The following NPEPPS variants were observed in gnomAD, a reference collection of about 807,000 sequenced individuals.
NPEPPS encodes puromycin-sensitive aminopeptidase.
A neutral mutation model predicts 115.5 loss-of-function variants in NPEPPS; 14 were observed. That is an observed-to-expected ratio of 0.12 (90% CI 0.08 to 0.19). The LOEUF is 0.19. Ranked by LOEUF, NPEPPS falls within the 10% of genes least tolerant of loss-of-function variation. NPEPPS has a pLI of 1.00. For missense variants in NPEPPS, 523 were observed against 1,110.8 expected (o/e 0.47, Z 7.52); for synonymous variants, 285 against 390.6 (o/e 0.73, Z 3.19).
intron 14 of NPEPPS, among the ~76,000 whole-genome samples, chr17:47,600,445 A>G (rs887072742): frequency 6.6e-6 from 1 of 152,102 alleles, no homozygotes; most frequent in Non-Finnish European, 1.5e-5. Flanking sequence ...GGGGGGAGAA[A>G]AAATATCTAA....
At chr17:47,542,546 C>CA (rs397857323) in intron 1 of NPEPPS, among the ~76,000 whole-genome samples, 687 of 81,976 alleles carry the variant, frequency 8.4e-3, no homozygotes, top group Non-Finnish European at 9.8e-3. Flanking sequence ...AGCTCCGTCT[C>CA]AAAAAAAAAA....
intron 2 of NPEPPS, among the ~76,000 whole-genome samples, chr17:47,560,032 T>A (rs1446753795): frequency 6.6e-6 from 1 of 152,220 alleles, no homozygotes; most frequent in African/African-American, 2.4e-5. Flanking sequence ...TGGCCTAGAA[T>A]GCAAAGCTTC....
At chr17:47,602,994 G>T (rs533034134) in intron 15 of NPEPPS, among the ~76,000 whole-genome samples, 1 of 152,110 alleles carries the variant, frequency 6.6e-6, no homozygotes, top group South Asian at 2.1e-4. Flanking sequence ...CGTTAAAATT[G>T]TAGGGGTGGT....
intron 1 of NPEPPS, among the ~76,000 whole-genome samples, chr17:47,542,363 A>C (rs1322938135): frequency 6.6e-6 from 1 of 152,114 alleles, no homozygotes; most frequent in Admixed American, 6.5e-5. Flanking sequence ...CCTGACCAAC[A>C]TGGAGAAACC....
intron 7 of NPEPPS, 57 bp from the exon 8 acceptor site, chr17:47,586,308 G>A (rs1912169071): frequency 7.1e-6 from 8 of 1,123,248 alleles, no homozygotes; most frequent in Non-Finnish European, 8.3e-6. Context: ...GACTTTTGAT[G>A]CAAGAGTATA....
rs1362758808 is a variant in NPEPPS at position 47,556,225 on chromosome 17, C to CTT, written c.340+10241_340+10242dup. Reference sequence around the variant, plus strand: ...TTTCCTAGGCAGAGGACCCTGCGGCCTTTTTTTTTTGCAGTGTTTGTGTCC... The same window carrying CTT: ...TTTCCTAGGCAGAGGACCCTGCGGCCTTTTTTTTTTTTGCAGTGTTTGTGTCC... On this transcript the variant is annotated intron_variant, in intron 2 of 22. Transcript: ENST00000322157. 4.4e-4 allele frequency among the ~76,000 whole-genome samples: 63 copies of CTT among 143,622 alleles called. 2 individuals are homozygous for CTT. In the South Asian group the frequency reaches 0.013, roughly 28 times the overall value. 94.2% of individuals were successfully genotyped at this position (143,622 alleles called of 152,430 possible).
At chr17:47,563,254 A>G (rs1452877676) in intron 2 of NPEPPS, among the ~76,000 whole-genome samples, 1 of 150,696 alleles carries the variant, frequency 6.6e-6, no homozygotes, top group Non-Finnish European at 1.5e-5. Context: ...TTGGTCTCAG[A>G]CTCCTGACCT....
chr17:47,621,634 G>T, intron 22 of NPEPPS, 134 bp from the exon 23 acceptor site: 3 of 749,086 alleles, frequency 4.0e-6, no homozygotes, highest in South Asian at 4.8e-5. Flanking sequence ...TTTAGCCTGA[G>T]GGTGGCAGTG....
At chr17:47,563,513 A>G (rs531564401) in intron 2 of NPEPPS, among the ~76,000 whole-genome samples, 3 of 152,338 alleles carry the variant, frequency 2.0e-5, no homozygotes, top group Non-Finnish European at 4.4e-5. Flanking sequence ...ATATGTATAT[A>G]ATGGACCAAT....
intron 17 of NPEPPS, among the ~76,000 whole-genome samples, chr17:47,611,646 A>C (rs1386528463): frequency 6.6e-6 from 1 of 152,076 alleles, no homozygotes; most frequent in African/African-American, 2.4e-5. Context: ...TTAATTATTA[A>C]GTTTTTTGTA....
intron 2 of NPEPPS, among the ~76,000 whole-genome samples, chr17:47,547,440 G>C (rs190831206): frequency 3.7e-4 from 56 of 151,876 alleles, no homozygotes; most frequent in African/African-American, 1.3e-3. Context: ...CTGTCTCCTG[G>C]TCTCAAGCCA....
Position 47,622,708 on chromosome 17 carries a change from T to G in NPEPPS, c.*788T>G. On this transcript the variant is annotated 3_prime_UTR_variant, in exon 23 of 23. Transcript: ENST00000322157. The stretch of plus-strand genomic sequence containing the variant: ...CCACATTAAATAAGAGAAACTGATA[T>G]ACATTATTTTTTTCTTTTTAAAGAT... 2.6e-6 allele frequency: 1 copy of G among 387,406 alleles called. No homozygotes were observed. The highest frequency in any genetic ancestry group is 2.0e-5 in the South Asian group (1 of 50,538). 24.0% of individuals were successfully genotyped at this position (387,406 alleles called of 1,614,324 possible).
rs59875832 is a variant in NPEPPS at position 47,592,062 on chromosome 17, T to TAA, written c.1365+10_1365+11dup. ...CTGCATGACTACATTGGGGATAAGGTAAAAAAAAACTTTAAATATTTCATT... is the reference window on the plus strand; with the variant it reads ...CTGCATGACTACATTGGGGATAAGGTAAAAAAAAAAACTTTAAATATTTCATT... On this transcript the variant is annotated splice_region_variant and intron_variant, in intron 11 of 22. Transcript: ENST00000322157. 4,429 of 1,277,028 alleles carry TAA rather than the reference T, an allele frequency of 3.5e-3. No individual in the cohort carries two copies. The highest frequency in any genetic ancestry group is 4.3e-3 in the South Asian group (316 of 73,486). The allele number at this position is 1,277,028 out of a possible 1,614,324, so 79.1% of individuals were successfully genotyped here.
chr17:47,590,662 T>G (rs1299635743), intron 9 of NPEPPS, 55 bp from the exon 10 acceptor site: 17 of 1,553,656 alleles, frequency 1.1e-5, no homozygotes, highest in Middle Eastern at 1.7e-4. Flanking sequence ...TGTTTTAGAT[T>G]AGTAGAATGA....
upstream of NPEPPS, among the ~76,000 whole-genome samples, chr17:47,529,989 T>C (rs1907618856): frequency 6.9e-6 from 1 of 143,998 alleles, no homozygotes. Flanking sequence ...CAGGCTGGAG[T>C]GCAGTGGCGC....
intron 3 of NPEPPS, among the ~76,000 whole-genome samples, chr17:47,572,012 A>G (rs376225659): frequency 2.7e-5 from 4 of 147,582 alleles, no homozygotes; most frequent in Non-Finnish European, 4.5e-5. Context: ...TTGGCTCCCA[A>G]CTGTCTTTCC....
intron 13 of NPEPPS, among the ~76,000 whole-genome samples, chr17:47,598,792 C>A (rs1276468804): frequency 6.6e-6 from 1 of 152,106 alleles, no homozygotes; most frequent in African/African-American, 2.4e-5. Flanking sequence ...CAAGGTCTTG[C>A]TTTCTTTGTT....
At chr17:47,549,996 G>A (rs1300004867) in intron 2 of NPEPPS, among the ~76,000 whole-genome samples, 2 of 149,310 alleles carry the variant, frequency 1.3e-5, no homozygotes, top group African/African-American at 4.9e-5. Flanking sequence ...GTGCAGTGGC[G>A]CAGTCTCGGC....
At position 47,585,865 on chromosome 17, in the gene NPEPPS, T is replaced by C. The variant is rs1200417773; in HGVS notation, c.849+165T>C. ...GGAAATGCCAACCTTGGTGTTTCAT[T>C]ATTTTACAAAATAATAATTAAGAGA... On this transcript the variant is annotated intron_variant, in intron 6 of 22. Transcript: ENST00000322157. 1.2e-5 allele frequency: 8 copies of C among 653,850 alleles called. No homozygotes were observed. In the African/African-American group the frequency reaches 1.3e-4, roughly 10 times the overall value. The allele number at this position is 653,850 out of a possible 1,614,324, so 40.5% of individuals were successfully genotyped here.
Sources: gnomAD v4.1 joint callset for allele counts (sites outside exome capture counted in the v4.1 genomes callset) on GRCh38, gnomAD v4.1.1 for gene constraint, MANE v1.5 for transcripts, NCBI Gene and HGNC (gene_info 2026-07-23, HGNC 2026-07-21) for gene names.